Variants in UTP18 observed in about 807,000 individuals in gnomAD.
The protein encoded by UTP18 is UTP18 small subunit processome component.
A neutral mutation model predicts 61.1 loss-of-function variants in UTP18; 36 were observed. That is an observed-to-expected ratio of 0.59 (90% CI 0.45 to 0.78). The LOEUF is 0.78. UTP18 is among the 30% of genes least tolerant of loss of function. The pLI, the probability that UTP18 is intolerant of heterozygous loss-of-function variation, is 0.00. For synonymous variants in UTP18, 282 were observed against 251.1 expected (o/e 1.12, Z -1.16); for missense variants, 753 against 693.9 (o/e 1.09, Z -0.96).
chr17:51,261,733 G>A (rs1444217383), intron 1 of UTP18, among the ~76,000 whole-genome samples: 1 of 152,094 alleles, frequency 6.6e-6, no homozygotes, highest in African/African-American at 2.4e-5. Flanking sequence ...CGTGTGTAGA[G>A]GCCTGTGAAA....
In UTP18 at chr17:51,280,088, C is replaced by T; in HGVS notation, c.1096C>T (p.His366Tyr). Residue 366 changes from histidine (H) to tyrosine (Y), a missense_variant, in exon 8 of 14, where the codon CAT becomes TAT. By Grantham distance (83) the His-to-Tyr change is moderately conservative. Transcript: ENST00000225298. ...CATAAATGGCATTGCTGGATATTTG[C>T]ATTTGCTAGCAATGAAGGTAAAGCA... ...LLINGIAGYL[H>Y]LLAMKTKELI... 1 of 1,613,444 alleles carries T rather than the reference C, an allele frequency of 6.2e-7. No individual in the cohort carries two copies. The highest frequency in any genetic ancestry group is 8.5e-7 in the Non-Finnish European group (1 of 1,179,634).
chr17:51,275,871 G>A lies in UTP18; in HGVS notation c.717G>A (p.Lys239=), dbSNP rs773331816. The change falls in exon 6 of 14, where the codon AAG becomes AAA. Residue 239 remains lysine, a synonymous_variant. Coordinates refer to ENST00000225298, the MANE Select transcript of UTP18 (RefSeq NM_016001.3). ...TSLPRGILKM[K]NCQHANAERP... ...CCAGCTTTCATTTCCTATAGATGAA[G>A]AACTGCCAGCATGCGAATGCTGAAC... is the stretch of plus-strand genomic sequence containing the variant. 169 of 1,600,014 alleles carry A rather than the reference G, an allele frequency of 1.1e-4. No individual in the cohort carries two copies. Among genetic ancestry groups the A allele is most frequent in the Non-Finnish European group, 1.3e-4 (157 of 1,175,790 alleles).
chr17:51,262,866 C>G (rs2144388286), intron 1 of UTP18, among the ~76,000 whole-genome samples: 1 of 152,272 alleles, frequency 6.6e-6, no homozygotes, highest in East Asian at 1.9e-4. Context: ...TATAAAGTTT[C>G]TTAAGGAGGT....
In UTP18 at chr17:51,260,860, G is replaced by A. The variant is rs1351954853; in HGVS notation, c.276G>A (p.Glu92=). The A allele has an allele frequency of 3.4e-5, 54 of 1,601,866 alleles. No homozygotes were observed. Among genetic ancestry groups the A allele is most frequent in the Non-Finnish European group, 4.5e-5 (53 of 1,175,138 alleles). Reference sequence around the variant, plus strand: ...AACCGGCCGTGGAGCGGTGCTTGGAGGAGCTGGTCTTCGGCGACGTCGAGA... The same window carrying A: ...AACCGGCCGTGGAGCGGTGCTTGGAAGAGCTGGTCTTCGGCGACGTCGAGA... ...EDKPAVERCL[E]ELVFGDVEND... Residue 92 remains glutamate, a synonymous_variant, in exon 1 of 14, where the codon GAG becomes GAA. Coordinates refer to ENST00000225298, the MANE Select transcript of UTP18 (RefSeq NM_016001.3).
rs536959994 is a variant in UTP18, at chr17:51,266,197, C to A, written c.471C>A (p.Asn157Lys). The A allele has an allele frequency of 8.8e-6, 14 of 1,593,502 alleles. No individual in the cohort carries two copies. In the South Asian group the frequency reaches 1.4e-4, roughly 16 times the overall value. Residue 157 changes from asparagine (N) to lysine (K), a missense_variant, in exon 3 of 14, where the codon AAC (asparagine) becomes AAA (lysine). By Grantham distance (94) the Asn-to-Lys change is moderately conservative. Transcript: ENST00000225298. The part of the protein sequence containing the change: ...DEDEEMVDMM[N>K]NRFRKDMMKN... Reference sequence around the variant, plus strand: ...GTTTTTGTAGGGTTGACATGATGAACAATCGGTTTCGGAAGGATATGATGA... The same window carrying A: ...GTTTTTGTAGGGTTGACATGATGAAAAATCGGTTTCGGAAGGATATGATGA...
At chr17:51,284,463 G>C (rs548373508) in intron 9 of UTP18, among the ~76,000 whole-genome samples, 1 of 152,048 alleles carries the variant, frequency 6.6e-6, no homozygotes, top group Non-Finnish European at 1.5e-5. Flanking sequence ...CCGTGTTCTG[G>C]ATCCGTTCAT....
Position 51,269,694 on chromosome 17 carries a change from A to G in UTP18, c.622+790A>G, listed in dbSNP as rs142322446. Among the ~76,000 whole-genome samples the G allele has an allele frequency of 6.6e-3, 1,000 of 152,294 alleles. 5 individuals carry two copies. The highest frequency in any genetic ancestry group is 0.01 in the Non-Finnish European group (688 of 68,034). On this transcript the variant is annotated intron_variant, in intron 4 of 13. Coordinates refer to ENST00000225298, the MANE Select transcript of UTP18 (RefSeq NM_016001.3). ...TTATATAATTCTATTAGAAAAGACA[A>G]TCTGTTACTAAGTAGAAATTGACCG...
At chr17:51,296,273 A>G (rs1905366776) in intron 12 of UTP18, 1 of 152,214 alleles carries the variant, frequency 6.6e-6, no homozygotes, top group African/African-American at 2.4e-5. Flanking sequence ...AGTGAATGCT[A>G]CATAGAACCC....
intron 11 of UTP18, among the ~76,000 whole-genome samples, chr17:51,290,927 C>A (rs1219267982): frequency 1.3e-5 from 2 of 152,198 alleles, no homozygotes; most frequent in African/African-American, 4.8e-5. Flanking sequence ...CATTACAAAG[C>A]ACTGTGAATT....
chr17:51,287,090 A>G (rs1421461663), intron 10 of UTP18, among the ~76,000 whole-genome samples: 1 of 151,992 alleles, frequency 6.6e-6, no homozygotes, highest in Non-Finnish European at 1.5e-5. Flanking sequence ...CTGCGCAGAA[A>G]TGATCTTCAC....
intron 2 of UTP18, among the ~76,000 whole-genome samples, chr17:51,265,963 A>C (rs2055556546): frequency 6.6e-6 from 1 of 152,210 alleles, no homozygotes; most frequent in Non-Finnish European, 1.5e-5. Context: ...ATTTTCTCAA[A>C]TAGTAGCTCT....
At chr17:51,272,085 GT>G (rs966205911) in intron 4 of UTP18, among the ~76,000 whole-genome samples, 8 of 151,474 alleles carry the variant, frequency 5.3e-5, no homozygotes, top group Non-Finnish European at 1.0e-4. Flanking sequence ...ATTAAACATA[GT>G]TTTTTTTGTT....
At chr17:51,261,952 A>C (rs1319443649) in intron 1 of UTP18, among the ~76,000 whole-genome samples, 2 of 152,202 alleles carry the variant, frequency 1.3e-5, no homozygotes, top group African/African-American at 4.8e-5. Flanking sequence ...GAAAAGGAAC[A>C]GTGTACGGAG....
chr17:51,277,390 A>G (rs893745266), intron 7 of UTP18, 86 bp downstream of exon 7: 17 of 1,406,722 alleles, frequency 1.2e-5, no homozygotes, highest in Middle Eastern at 1.9e-4. Context: ...TTTTCACTCC[A>G]TAGGATTCTT....
At chr17:51,272,658 A>G (rs1048976620) in intron 4 of UTP18, among the ~76,000 whole-genome samples, 8 of 152,160 alleles carry the variant, frequency 5.3e-5, no homozygotes, top group African/African-American at 1.9e-4. Flanking sequence ...TTAATGAGGA[A>G]TTGTGAAGCA....
chr17:51,270,995 ATTTT>A (rs1567700054), intron 4 of UTP18, among the ~76,000 whole-genome samples: 2 of 152,144 alleles, frequency 1.3e-5, no homozygotes, highest in Non-Finnish European at 2.9e-5. Context: ...CCAGTGTGTT[ATTTT>A]TATCTGTAAA....
At chr17:51,297,097 C>T in intron 13 of UTP18, 94 bp downstream of exon 13, 1 of 1,089,462 alleles carries the variant, frequency 9.2e-7, no homozygotes, top group South Asian at 1.5e-5. Flanking sequence ...AGCTTTGTTT[C>T]TCTACCCCTA....
At chr17:51,274,568 A>G (rs1904650443) in intron 5 of UTP18, among the ~76,000 whole-genome samples, 1 of 152,124 alleles carries the variant, frequency 6.6e-6, no homozygotes, top group Non-Finnish European at 1.5e-5. Flanking sequence ...CAGCCACGCA[A>G]GTAGCTGGGA....
At chr17:51,297,024 C>G in intron 13 of UTP18, 21 bp downstream of exon 13, 1 of 1,596,576 alleles carries the variant, frequency 6.3e-7, no homozygotes, top group Middle Eastern at 1.7e-4. Flanking sequence ...CCTTTTCTTA[C>G]AAATTCTGCA....
Sources: allele counts gnomAD v4.1 joint callset (sites outside exome capture counted in the v4.1 genomes callset), GRCh38; gene constraint gnomAD v4.1.1; transcripts MANE v1.5; gene names NCBI Gene and HGNC (gene_info 2026-07-23, HGNC 2026-07-21).